Variants in AGBL4 observed in about 807,000 individuals in gnomAD.
AGBL4 encodes AGBL carboxypeptidase 4.
Under a neutral mutation model 66.4 loss-of-function variants are expected in AGBL4, and 58 were observed. The ratio of observed to expected loss-of-function variants is 0.87; its 90% CI spans 0.71 to 1.09. AGBL4 has a LOEUF of 1.09. AGBL4 is among the 50% of genes least tolerant of loss of function. The pLI, the probability that AGBL4 is intolerant of heterozygous loss-of-function variation, is 0.00. For missense variants in AGBL4, 579 were observed against 631.0 expected, an observed-to-expected ratio of 0.92 and a Z score of 0.88; for synonymous variants, 234 against 222.9, an observed-to-expected ratio of 1.05 and a Z score of -0.44.
intron 3 of AGBL4, among the ~76,000 whole-genome samples, chr1:49,406,382 T>G (rs2148619617): frequency 6.6e-6 from 1 of 152,304 alleles, no homozygotes; most frequent in Admixed American, 6.5e-5. Context: ...ACCAATAATC[T>G]TACCTACAAA....
chr1:49,121,797 C>G (rs968073297), intron 4 of AGBL4, among the ~76,000 whole-genome samples: 15 of 152,226 alleles, frequency 9.9e-5, no homozygotes, highest in African/African-American at 3.6e-4. Flanking sequence ...TTTTGTTCAG[C>G]TATGTCCTGC....
At chr1:49,321,710 T>G (rs985310604) in intron 3 of AGBL4, among the ~76,000 whole-genome samples, 1 of 152,238 alleles carries the variant, frequency 6.6e-6, no homozygotes, top group Non-Finnish European at 1.5e-5. Context: ...GTTTATAATG[T>G]GTTATGTTCA....
intron 1 of AGBL4, among the ~76,000 whole-genome samples, chr1:50,004,008 C>G (rs1660952872): frequency 6.6e-6 from 1 of 152,160 alleles, no homozygotes; most frequent in Non-Finnish European, 1.5e-5. Flanking sequence ...AATTTCCTAT[C>G]TGTCACTGAA....
At chr1:49,839,552 C>G (rs996560611) in intron 2 of AGBL4, among the ~76,000 whole-genome samples, 8 of 152,110 alleles carry the variant, frequency 5.3e-5, no homozygotes, top group Non-Finnish European at 1.2e-4. Flanking sequence ...TGGATTTTAT[C>G]CTGAAAACAA....
chr1:49,601,847 AC>A (rs1644965500), intron 3 of AGBL4, among the ~76,000 whole-genome samples: 1 of 152,204 alleles, frequency 6.6e-6, no homozygotes, highest in African/African-American at 2.4e-5. Context: ...GCCAAAATTG[AC>A]AAATGGGATC....
intron 6 of AGBL4, among the ~76,000 whole-genome samples, chr1:48,696,868 A>G (rs964108515): frequency 7.9e-5 from 12 of 152,070 alleles, no homozygotes; most frequent in Non-Finnish European, 1.0e-4. Flanking sequence ...TATCTTAGCC[A>G]CCTCCCGGTG....
At chr1:48,562,507 C>T (rs1478170587) in intron 11 of AGBL4, among the ~76,000 whole-genome samples, 1 of 152,158 alleles carries the variant, frequency 6.6e-6, no homozygotes, top group Non-Finnish European at 1.5e-5. Context: ...ATTCATTGCT[C>T]TGTTTTCTGT....
chr1:49,543,984 C>G lies in AGBL4; in HGVS notation c.282+153329G>C, dbSNP rs1278680067. On this transcript the variant is annotated intron_variant, in intron 3 of 13. Coordinates refer to ENST00000371839, the MANE Select transcript of AGBL4 (RefSeq NM_032785.4). ...CCCCTCATTACCATACTAAAATTCC[C>G]ACCCACAGAGGAGCTTATTTGCCAT... 2.0e-5 allele frequency among the ~76,000 whole-genome samples: 3 copies of G among 152,128 alleles called. No individual in the cohort carries two copies. In the East Asian group the frequency reaches 5.8e-4, roughly 29 times the overall value.
chr1:49,466,897 A>G (rs1352388919), intron 3 of AGBL4, among the ~76,000 whole-genome samples: 1 of 151,858 alleles, frequency 6.6e-6, no homozygotes, highest in Non-Finnish European at 1.5e-5. Context: ...TCATCCAGAG[A>G]TAGTGTGCAG....
chr1:49,195,924 TAGTG>T (rs1382649987), intron 4 of AGBL4, among the ~76,000 whole-genome samples: 1 of 152,124 alleles, frequency 6.6e-6, no homozygotes, highest in Non-Finnish European at 1.5e-5. Context: ...GTTCTTGTCA[TAGTG>T]AGTGAGTTCC....
At chr1:49,170,446 G>GTTTA (rs1646717220) in intron 4 of AGBL4, among the ~76,000 whole-genome samples, 1 of 138,870 alleles carries the variant, frequency 7.2e-6, no homozygotes, top group South Asian at 2.2e-4. Context: ...AAATATATAT[G>GTTTA]TTTATATAAT....
intron 4 of AGBL4, among the ~76,000 whole-genome samples, chr1:49,234,780 G>A (rs1650589659): frequency 6.6e-6 from 1 of 152,128 alleles, no homozygotes; most frequent in African/African-American, 2.4e-5. Flanking sequence ...AAAGCCCAGA[G>A]TTCCAGGCAA....
At chr1:49,887,693 G>A (rs1161861194) in intron 1 of AGBL4, among the ~76,000 whole-genome samples, 2 of 152,070 alleles carry the variant, frequency 1.3e-5, no homozygotes, top group Admixed American at 1.3e-4. Flanking sequence ...ATGCAGTTGG[G>A]AGATCAAAAC....
chr1:49,106,877 T>A (rs954703780), intron 4 of AGBL4, among the ~76,000 whole-genome samples: 1 of 152,116 alleles, frequency 6.6e-6, no homozygotes, highest in Non-Finnish European at 1.5e-5. Flanking sequence ...CTAGCAAAAG[T>A]GGGGTAGAAA....
chr1:49,797,414 A>C (rs1644757035), intron 2 of AGBL4, among the ~76,000 whole-genome samples: 1 of 152,106 alleles, frequency 6.6e-6, no homozygotes, highest in Non-Finnish European at 1.5e-5. Flanking sequence ...CACTATCAGG[A>C]GGTAAAATGG....
intron 6 of AGBL4, among the ~76,000 whole-genome samples, chr1:48,713,460 G>A (rs1161547450): frequency 1.3e-5 from 2 of 152,188 alleles, no homozygotes; most frequent in East Asian, 1.9e-4. Context: ...TGCTGCGTCC[G>A]CAGTGGGAAG....
intron 2 of AGBL4, among the ~76,000 whole-genome samples, chr1:49,793,552 T>C (rs1303614195): frequency 1.3e-5 from 2 of 151,994 alleles, no homozygotes; most frequent in Non-Finnish European, 1.5e-5. Context: ...CTGGTTGACA[T>C]CCATATTTCT....
intron 5 of AGBL4, among the ~76,000 whole-genome samples, chr1:48,953,340 T>G (rs748428278): frequency 1.3e-5 from 2 of 152,176 alleles, no homozygotes; most frequent in Non-Finnish European, 2.9e-5. Flanking sequence ...TTATTGCAAC[T>G]ACTATGCTGC....
Position 48,736,100 on chromosome 1 carries a change from G to C in AGBL4, c.635-72859C>G, listed in dbSNP as rs1648997913. On this transcript the variant is annotated intron_variant, in intron 6 of 13. Coordinates refer to ENST00000371839, the MANE Select transcript of AGBL4 (RefSeq NM_032785.4). This position sits in a 1 kb window ranked among gnomAD's most constrained non-coding sequence, Gnocchi z 4.0. ...CTCTTCTGGGGCATTTGGGTTATCC[G>C]CTTGGTGTCCCCGGGCTCAGCCCAG... 1 of 909,528 alleles carries C rather than the reference G, an allele frequency of 1.1e-6. No individual in the cohort carries two copies. Among genetic ancestry groups the C allele is most frequent in the East Asian group, 2.5e-5 (1 of 40,740 alleles). 56.3% of individuals were successfully genotyped at this position (909,528 alleles called of 1,614,324 possible).
Sources: allele counts gnomAD v4.1 joint callset (sites outside exome capture counted in the v4.1 genomes callset), GRCh38; gene constraint gnomAD v4.1.1; non-coding constraint Gnocchi (gnomAD v3.1); transcripts MANE v1.5; gene names NCBI Gene and HGNC (gene_info 2026-07-23, HGNC 2026-07-21).